The following CLSTN1 variants were observed in gnomAD, a reference collection of about 807,000 sequenced individuals.
CLSTN1 encodes the protein calsyntenin-1.
A neutral mutation model predicts 108.3 loss-of-function variants in CLSTN1; 28 were observed. The ratio of observed to expected loss-of-function variants is 0.26; its 90% CI spans 0.19 to 0.35. The LOEUF is 0.35. Ranked by LOEUF, CLSTN1 falls within the 10% of genes least tolerant of loss-of-function variation. The probability of loss-of-function intolerance (pLI) is 1.00; values close to 1 mark genes in which losing one functional copy is unlikely to be tolerated. For missense variants in CLSTN1, 1,157 were observed against 1,302.6 expected (o/e 0.89, Z 1.72); for synonymous variants, 524 against 534.9 (o/e 0.98, Z 0.28).
At chr1:9,781,016 G>A in intron 1 of CLSTN1, 1 of 494,866 alleles carries the variant, frequency 2.0e-6, no homozygotes, top group Non-Finnish European at 3.6e-6. Flanking sequence ...TCGGATTTTG[G>A]AGCATTTCAC....
At position 9,812,575 on chromosome 1, in the gene CLSTN1, G is replaced by C. The variant is rs190942712; in HGVS notation, c.91+11068C>G. 4.6e-5 allele frequency among the ~76,000 whole-genome samples: 7 copies of C among 152,158 alleles called. No homozygotes were observed. In the South Asian group the frequency reaches 1.5e-3, roughly 32 times the overall value. On this transcript the variant is annotated intron_variant, in intron 1 of 18. Coordinates refer to ENST00000377298, the MANE Select transcript of CLSTN1 (RefSeq NM_001009566.3). Reference sequence around the variant, plus strand: ...TAAAAACCTATTGCTGGCTGGGCACGGTGGCTCATGCCTGTAATCCCAGCA... The same window carrying C: ...TAAAAACCTATTGCTGGCTGGGCACCGTGGCTCATGCCTGTAATCCCAGCA...
At chr1:9,821,354 A>C (rs1366531950) in intron 1 of CLSTN1, among the ~76,000 whole-genome samples, 1 of 152,200 alleles carries the variant, frequency 6.6e-6, no homozygotes, top group Non-Finnish European at 1.5e-5. Context: ...GCTGGTCTCG[A>C]ACTCCTGACC....
chr1:9,779,184 A>T (rs1299131484), intron 1 of CLSTN1, among the ~76,000 whole-genome samples: 1 of 152,222 alleles, frequency 6.6e-6, no homozygotes, highest in African/African-American at 2.4e-5. Context: ...ATCAGGTCTG[A>T]AACGGCTCTC....
chr1:9,810,273 C>T (rs1418897039), intron 1 of CLSTN1, among the ~76,000 whole-genome samples: 1 of 151,450 alleles, frequency 6.6e-6, no homozygotes, highest in Non-Finnish European at 1.5e-5. Context: ...GTCAGGAGTA[C>T]GAGACCAGGC....
intron 1 of CLSTN1, among the ~76,000 whole-genome samples, chr1:9,810,401 G>A (rs999339960): frequency 4.0e-5 from 6 of 151,050 alleles, no homozygotes; most frequent in East Asian, 3.9e-4. Context: ...GCTTGAAGCC[G>A]GGAGGCAGAG....
In CLSTN1 at chr1:9,764,637, T is replaced by TAAAAAAAAAAA. The variant is rs70998307; in HGVS notation, c.215-8138_215-8128dup. Among the ~76,000 whole-genome samples, 516 of 82,320 alleles carry TAAAAAAAAAAA rather than the reference T, an allele frequency of 6.3e-3. 3 individuals are homozygous for TAAAAAAAAAAA. Among genetic ancestry groups the TAAAAAAAAAAA allele is most frequent in the Non-Finnish European group, 9.5e-3 (416 of 43,834 alleles). The allele number at this position is 82,320 out of a possible 152,430, so 54.0% of individuals were successfully genotyped here. ...GGGTGATGAAGTGAGGCTCCATCTT[T>TAAAAAAAAAAA]AAAAAAAAAAAAAAAAAAAAAAAAA... is the stretch of plus-strand genomic sequence containing the variant. On this transcript the variant is annotated intron_variant, in intron 2 of 18. Transcript: ENST00000377298.
intron 10 of CLSTN1, among the ~76,000 whole-genome samples, chr1:9,739,678 T>TA (rs1448560641): frequency 6.6e-6 from 1 of 152,090 alleles, no homozygotes; most frequent in Non-Finnish European, 1.5e-5. Flanking sequence ...ACCCCATTTT[T>TA]ATAAAAAATT....
chr1:9,778,266 A>ACACACACACACGCACG (rs1004270678), intron 1 of CLSTN1, among the ~76,000 whole-genome samples: 11 of 150,114 alleles, frequency 7.3e-5, no homozygotes, highest in African/African-American at 2.7e-4. Flanking sequence ...ACACACACAC[A>ACACACACACACGCACG]CACGCAGACT....
At chr1:9,776,118 G>A (rs765729205) in intron 1 of CLSTN1, among the ~76,000 whole-genome samples, 14 of 151,940 alleles carry the variant, frequency 9.2e-5, no homozygotes, top group African/African-American at 1.7e-4. Context: ...GACTACAGGC[G>A]CTCACCACCA....
chr1:9,807,815 T>C (rs1430713442), intron 1 of CLSTN1, among the ~76,000 whole-genome samples: 1 of 152,268 alleles, frequency 6.6e-6, no homozygotes, highest in Admixed American at 6.5e-5. Flanking sequence ...GACGTGCTTC[T>C]GCAGATCCCA....
At chr1:9,777,292 G>C (rs1342192316) in intron 1 of CLSTN1, among the ~76,000 whole-genome samples, 1 of 149,020 alleles carries the variant, frequency 6.7e-6, no homozygotes, top group Non-Finnish European at 1.5e-5. Flanking sequence ...GGCCAAGGCA[G>C]GCGGATCACT....
Position 9,731,765 on chromosome 1 carries a change from G to T in CLSTN1, c.2559C>A (p.Phe853Leu). Residue 853 changes from phenylalanine (F) to leucine (L), a missense_variant, in exon 17 of 19, where the codon TTC becomes TTA. Physicochemically the swap from Phe to Leu is conservative, Grantham distance 22. Coordinates refer to ENST00000377298, the MANE Select transcript of CLSTN1 (RefSeq NM_001009566.3). ...GTCTCCCTCCCCATGTCCTACCTGC[G>T]AACGGGTGGGGGTTGGCCAGGTTGT... The part of the protein sequence containing the change: ...SGHNLANPHP[F>L]AVVPSTATVV... 7 of 1,614,210 alleles carry T rather than the reference G, an allele frequency of 4.3e-6. No individual in the cohort carries two copies. The highest frequency in any genetic ancestry group is 5.9e-6 in the Non-Finnish European group (7 of 1,180,040).
intron 2 of CLSTN1, among the ~76,000 whole-genome samples, chr1:9,766,862 G>C (rs1652361352): frequency 6.6e-6 from 1 of 152,242 alleles, no homozygotes; most frequent in African/African-American, 2.4e-5. Context: ...CATTGTGAAT[G>C]TCTGATTAGT....
Position 9,796,405 on chromosome 1 carries a change from G to A in CLSTN1, c.92-23011C>T, listed in dbSNP as rs192297624. On this transcript the variant is annotated intron_variant, in intron 1 of 18. Coordinates refer to ENST00000377298, the MANE Select transcript of CLSTN1 (RefSeq NM_001009566.3). ...AAATAAAGATGGGTGGGCCAGGCGC[G>A]GTGGCTCACGCCTGTAATCCCAGCA... is the stretch of plus-strand genomic sequence containing the variant. 3.6e-4 allele frequency among the ~76,000 whole-genome samples: 54 copies of A among 151,014 alleles called. 1 individual carries two copies. The East Asian group carries it at 9.2e-3, about 26-fold the overall frequency.
intron 2 of CLSTN1, among the ~76,000 whole-genome samples, chr1:9,759,085 C>T (rs1452756153): frequency 2.0e-5 from 3 of 152,124 alleles, no homozygotes; most frequent in Non-Finnish European, 2.9e-5. Flanking sequence ...AGACAATGGA[C>T]GCAGAGTGCT....
At chr1:9,795,116 G>C (rs1488335498) in intron 1 of CLSTN1, among the ~76,000 whole-genome samples, 1 of 149,728 alleles carries the variant, frequency 6.7e-6, no homozygotes. Flanking sequence ...ACAATAGCAA[G>C]AGTAATGCTT....
chr1:9,804,088 T>C lies in CLSTN1; in HGVS notation c.91+19555A>G, dbSNP rs149650179. Among the ~76,000 whole-genome samples the C allele has an allele frequency of 8.6e-3, 1,300 of 151,960 alleles. 20 individuals are homozygous for C. Among genetic ancestry groups the C allele is most frequent in the East Asian group, 0.043 (220 of 5,120 alleles). The stretch of plus-strand genomic sequence containing the variant: ...CCCTTATTAAAGGCGAGGGGCCGGG[T>C]ACGGTGGCTCACGCCTGTAATCCCA... On this transcript the variant is annotated intron_variant, in intron 1 of 18. Coordinates refer to ENST00000377298, the MANE Select transcript of CLSTN1 (RefSeq NM_001009566.3).
intron 2 of CLSTN1, among the ~76,000 whole-genome samples, chr1:9,769,771 G>A (rs748106122): frequency 2.0e-5 from 3 of 152,014 alleles, no homozygotes; most frequent in Non-Finnish European, 4.4e-5. Context: ...GGCAGGGCGC[G>A]GTGGCTCACG....
intron 1 of CLSTN1, among the ~76,000 whole-genome samples, chr1:9,806,376 T>G (rs1333381150): frequency 6.6e-6 from 1 of 152,202 alleles, no homozygotes; most frequent in East Asian, 1.9e-4. Context: ...ACAGGGGTCC[T>G]GAGACCAAAC....
Sources: allele counts gnomAD v4.1 joint callset (sites outside exome capture counted in the v4.1 genomes callset), GRCh38; gene constraint gnomAD v4.1.1; transcripts MANE v1.5; gene names NCBI Gene and HGNC (gene_info 2026-07-23, HGNC 2026-07-21).